The following ZNF782 variants were observed in gnomAD, a reference collection of about 807,000 sequenced individuals.
ZNF782 encodes the protein zinc finger protein 782.
ZNF782 carries 12 observed loss-of-function variants against 13.0 expected under a neutral mutation model. The ratio of observed to expected loss-of-function variants is 0.92; its 90% CI spans 0.59 to 1.50. The LOEUF is 1.50. Ranked by LOEUF, ZNF782 falls within the 40% of genes most tolerant of loss-of-function variation. The pLI is 0.00. For synonymous variants in ZNF782, 284 were observed against 283.0 expected (o/e 1.00, Z -0.04); for missense variants, 770 against 822.9 (o/e 0.94, Z 0.79).
chr9:96,903,975 C>T, the ZNF782 span, among the ~76,000 whole-genome samples: 2 of 151,978 alleles, frequency 1.3e-5, no homozygotes, highest in African/African-American at 4.8e-5. Flanking sequence ...GTGACTGCGT[C>T]ATTCTCCATT....
chr9:96,894,523 C>A, the ZNF782 span: 1 of 152,136 alleles, frequency 6.6e-6, no homozygotes, highest in Non-Finnish European at 1.5e-5. Flanking sequence ...AATTTTCAAT[C>A]CACTGACCCC....
chr9:96,883,158 C>T, the ZNF782 span, among the ~76,000 whole-genome samples: 10 of 151,954 alleles, frequency 6.6e-5, no homozygotes, highest in African/African-American at 1.5e-4. Context: ...ACACGAAACA[C>T]CAAGGACAAT....
At chr9:96,896,263 C>T in the ZNF782 span, among the ~76,000 whole-genome samples, 2 of 152,138 alleles carry the variant, frequency 1.3e-5, no homozygotes, top group South Asian at 4.1e-4. Flanking sequence ...GTGGCAAGCT[C>T]GCAATACACC....
intron 4 of ZNF782, among the ~76,000 whole-genome samples, chr9:96,835,931 G>A (rs1201899969): frequency 6.6e-6 from 1 of 152,176 alleles, no homozygotes; most frequent in Non-Finnish European, 1.5e-5. Context: ...GCCACTGCTA[G>A]GACCCCAAAA....
the ZNF782 span, chr9:96,887,810 C>T: frequency 1.3e-5 from 2 of 152,044 alleles, no homozygotes; most frequent in African/African-American, 4.8e-5. Flanking sequence ...AAATGTGGCA[C>T]ATATACACCA....
At chr9:96,837,131 G>C (rs922522061) in intron 4 of ZNF782, among the ~76,000 whole-genome samples, 5 of 152,138 alleles carry the variant, frequency 3.3e-5, no homozygotes, top group Admixed American at 1.3e-4. Flanking sequence ...GGTTCTACAA[G>C]ATGCCCCACA....
At chr9:96,882,300 G>A in the ZNF782 span, among the ~76,000 whole-genome samples, 1 of 152,020 alleles carries the variant, frequency 6.6e-6, no homozygotes, top group East Asian at 1.9e-4. Flanking sequence ...TTTGGAGGTC[G>A]AGCATACATG....
intron 1 of ZNF782, among the ~76,000 whole-genome samples, chr9:96,871,019 G>T (rs1281929677): frequency 2.0e-5 from 3 of 152,144 alleles, no homozygotes; most frequent in Non-Finnish European, 4.4e-5. Flanking sequence ...AGGGTCTGTG[G>T]TGTATTTCTT....
At chr9:96,837,249 G>A (rs1304073495) in intron 4 of ZNF782, among the ~76,000 whole-genome samples, 1 of 152,098 alleles carries the variant, frequency 6.6e-6, no homozygotes, top group Non-Finnish European at 1.5e-5. Flanking sequence ...AGGTCTATTT[G>A]AGCTTTCTAT....
At chr9:96,905,646 C>T in the ZNF782 span, among the ~76,000 whole-genome samples, 68 of 151,690 alleles carry the variant, frequency 4.5e-4, no homozygotes, top group South Asian at 0.01. Context: ...AGTACAGTGG[C>T]GCGATCTTGG....
At chr9:96,883,367 G>C in the ZNF782 span, among the ~76,000 whole-genome samples, 765 of 152,230 alleles carry the variant, frequency 5.0e-3, 7 homozygotes, top group African/African-American at 0.018. Flanking sequence ...GCTTGTGTAA[G>C]ATAAGCTGAA....
rs117306399 is a variant in ZNF782 at position 96,840,684 on chromosome 9, A to G, written c.142+4206T>C. Among the ~76,000 whole-genome samples the G allele has an allele frequency of 7.2e-5, 11 of 152,210 alleles. No homozygotes were observed. In the East Asian group the frequency reaches 1.5e-3, roughly 21 times the overall value. ...TACTATATGAATGAGTGTTCAATCAAAGAAGAAATATGTCTTCTAGACATA... is the reference window on the plus strand; with the variant it reads ...TACTATATGAATGAGTGTTCAATCAGAGAAGAAATATGTCTTCTAGACATA... On this transcript the variant is annotated intron_variant, in intron 4 of 5. Coordinates refer to ENST00000481138, the MANE Select transcript of ZNF782 (RefSeq NM_001001662.3).
the ZNF782 span, chr9:96,891,189 C>A: frequency 6.6e-6 from 1 of 152,106 alleles, no homozygotes; most frequent in Non-Finnish European, 1.5e-5. Flanking sequence ...ATTAAAAAAT[C>A]TGTGGAAATG....
At chr9:96,825,090 A>G (rs1211695496) in intron 5 of ZNF782, among the ~76,000 whole-genome samples, 1 of 151,998 alleles carries the variant, frequency 6.6e-6, no homozygotes, top group Non-Finnish European at 1.5e-5. Flanking sequence ...AAGAGCCCGC[A>G]TCGCCAAGTC....
intron 1 of ZNF782, among the ~76,000 whole-genome samples, chr9:96,872,268 C>T (rs769711912): frequency 1.3e-5 from 2 of 152,174 alleles, no homozygotes; most frequent in Admixed American, 6.5e-5. Flanking sequence ...CACAGTGGCT[C>T]ACACCTGTAA....
chr9:96,903,503 G>A, the ZNF782 span, among the ~76,000 whole-genome samples: 11 of 148,698 alleles, frequency 7.4e-5, no homozygotes, highest in East Asian at 4.0e-4. Flanking sequence ...ATGAAACACC[G>A]CTATACAAGT....
At chr9:96,885,329 G>A in the ZNF782 span, among the ~76,000 whole-genome samples, 1 of 152,052 alleles carries the variant, frequency 6.6e-6, no homozygotes, top group Non-Finnish European at 1.5e-5. Flanking sequence ...TTAGAGAACT[G>A]AAAAATATGA....
the ZNF782 span, among the ~76,000 whole-genome samples, chr9:96,882,916 TCTC>T: frequency 0.014 from 2,137 of 152,204 alleles, 31 homozygotes; most frequent in Non-Finnish European, 0.019. Flanking sequence ...AAACGAGAAT[TCTC>T]TCTTTGATTT....
At chr9:96,840,828 A>G (rs2118674508) in intron 4 of ZNF782, among the ~76,000 whole-genome samples, 1 of 152,202 alleles carries the variant, frequency 6.6e-6, no homozygotes, top group East Asian at 1.9e-4. Flanking sequence ...TCAAATTAAT[A>G]GTGCATGATC....
Sources: gnomAD v4.1 joint callset for allele counts (sites outside exome capture counted in the v4.1 genomes callset) on GRCh38, gnomAD v4.1.1 for gene constraint, MANE v1.5 for transcripts, NCBI Gene and HGNC (gene_info 2026-07-23, HGNC 2026-07-21) for gene names.